BNC2: variants seen among roughly 807,000 people sequenced by gnomAD.
BNC2 encodes the protein zinc finger protein basonuclin-2.
BNC2 carries 20 observed loss-of-function variants against 76.3 expected under a neutral mutation model. That is an observed-to-expected ratio of 0.26 (90% CI 0.18 to 0.38). The LOEUF (loss-of-function observed/expected upper bound fraction) is 0.38. BNC2 is among the 10% of genes least tolerant of loss of function. The pLI is 1.00. For synonymous variants in BNC2, 582 were observed against 514.8 expected (o/e 1.13, Z -1.77); for missense variants, 1,382 against 1,399.8 (o/e 0.99, Z 0.20).
intron 5 of BNC2, among the ~76,000 whole-genome samples, chr9:16,516,429 T>C (rs1391345539): frequency 6.6e-6 from 1 of 152,074 alleles, no homozygotes; most frequent in East Asian, 1.9e-4. Flanking sequence ...GGATAACAGT[T>C]ATGCAGCTGT....
intron 3 of BNC2, among the ~76,000 whole-genome samples, chr9:16,591,602 T>C (rs78726924): frequency 0.02 from 3,059 of 152,298 alleles, 102 homozygotes; most frequent in South Asian, 0.16. Context: ...TTACATGCTA[T>C]GATTATCAGT....
chr9:16,621,583 G>T (rs574306467), intron 3 of BNC2, among the ~76,000 whole-genome samples: 1 of 152,116 alleles, frequency 6.6e-6, no homozygotes, highest in Non-Finnish European at 1.5e-5. Flanking sequence ...AAGACACCAG[G>T]TCTCCTAAAT....
At chr9:16,515,185 G>A (rs1822848758) in intron 5 of BNC2, among the ~76,000 whole-genome samples, 1 of 152,160 alleles carries the variant, frequency 6.6e-6, no homozygotes, top group South Asian at 2.1e-4. Context: ...AGAGCATGGA[G>A]ATCCGAGAGG....
chr9:16,421,298 A>G, intron 6 of BNC2: 1 of 1,297,972 alleles, frequency 7.7e-7, no homozygotes, highest in Non-Finnish European at 1.0e-6. Flanking sequence ...ATCTTTTGCT[A>G]AATCGATCAC....
chr9:16,653,413 T>C lies in BNC2; in HGVS notation c.331-70328A>G, dbSNP rs189568998. On this transcript the variant is annotated intron_variant, in intron 3 of 6. Transcript: ENST00000380672. ...GCCTTAAATACAAAATGCACACATA[T>C]ACACCATTGCCCAGACATCCTTCAG... 3.9e-5 allele frequency among the ~76,000 whole-genome samples: 6 copies of C among 152,234 alleles called. No homozygotes were observed. In the East Asian group the frequency reaches 1.2e-3, roughly 29 times the overall value.
intron 5 of BNC2, among the ~76,000 whole-genome samples, chr9:16,504,410 C>G (rs559298703): frequency 6.6e-6 from 1 of 150,558 alleles, no homozygotes; most frequent in South Asian, 2.1e-4. Context: ...ATATCTATTC[C>G]AAATGATACA....
chr9:16,549,309 T>C (rs901102512), intron 5 of BNC2, among the ~76,000 whole-genome samples: 4 of 152,218 alleles, frequency 2.6e-5, no homozygotes, highest in East Asian at 1.9e-4. Flanking sequence ...ACACAATCTG[T>C]AGCCAACTGC....
intron 3 of BNC2, among the ~76,000 whole-genome samples, chr9:16,632,189 A>G (rs1290605199): frequency 6.6e-6 from 1 of 151,830 alleles, no homozygotes; most frequent in African/African-American, 2.4e-5. Context: ...GGTAGGAACT[A>G]TTCCCTCCTT....
At chr9:16,521,081 G>C (rs1177237987) in intron 5 of BNC2, among the ~76,000 whole-genome samples, 1 of 152,126 alleles carries the variant, frequency 6.6e-6, no homozygotes, top group Non-Finnish European at 1.5e-5. Context: ...TCAGACAGGA[G>C]AATCACTTAA....
intron 3 of BNC2, among the ~76,000 whole-genome samples, chr9:16,698,132 A>G (rs566798317): frequency 1.4e-4 from 21 of 152,294 alleles, no homozygotes; most frequent in African/African-American, 4.3e-4. Flanking sequence ...AAAAACTTCA[A>G]TAATTGCTAC....
intron 1 of BNC2, among the ~76,000 whole-genome samples, chr9:16,785,558 C>CT (rs34271496): frequency 6.1e-4 from 75 of 122,514 alleles, no homozygotes; most frequent in South Asian, 5.6e-4. Flanking sequence ...CTACACCCGG[C>CT]TTTTTTTTTT....
chr9:16,775,780 C>A, intron 1 of BNC2: 1 of 173,696 alleles, frequency 5.8e-6, no homozygotes, highest in South Asian at 1.6e-4. Flanking sequence ...ATTAAGTGTC[C>A]TTCCATCTTG....
chr9:16,621,075 G>C (rs1050417471), intron 3 of BNC2, among the ~76,000 whole-genome samples: 4 of 152,212 alleles, frequency 2.6e-5, no homozygotes, highest in African/African-American at 9.6e-5. Context: ...GCAATGTCCA[G>C]GCCGTAAGTA....
At chr9:16,729,730 A>G (rs1157176457) in intron 2 of BNC2, among the ~76,000 whole-genome samples, 1 of 152,168 alleles carries the variant, frequency 6.6e-6, no homozygotes, top group East Asian at 1.9e-4. Context: ...TCAATTGTCA[A>G]CAGTGACTGT....
At chr9:16,722,514 A>C (rs1824187516) in intron 3 of BNC2, among the ~76,000 whole-genome samples, 1 of 152,232 alleles carries the variant, frequency 6.6e-6, no homozygotes, top group Admixed American at 6.5e-5. Context: ...TGCACCTTAG[A>C]GGGATTTATT....
Position 16,418,899 on chromosome 9 carries a change from ACCC to A in BNC2, c.*87_*89del, listed in dbSNP as rs1554629166. The A allele has an allele frequency of 7.1e-7, 1 of 1,401,502 alleles. No individual in the cohort carries two copies. The highest frequency in any genetic ancestry group is 1.0e-6 in the Non-Finnish European group (1 of 988,798). 86.8% of individuals were successfully genotyped at this position (1,401,502 alleles called of 1,614,324 possible). ...CACACACACACACACACACACACAC[ACCC>A]CAAGTACATAAGCGCACACTGACTA... On this transcript the variant is annotated 3_prime_UTR_variant, in exon 7 of 7. Coordinates refer to ENST00000380672, the MANE Select transcript of BNC2 (RefSeq NM_017637.6).
intron 3 of BNC2, among the ~76,000 whole-genome samples, chr9:16,721,142 G>A (rs1194923349): frequency 6.6e-6 from 1 of 152,152 alleles, no homozygotes; most frequent in Non-Finnish European, 1.5e-5. Flanking sequence ...TCATTTCTGG[G>A]ATGCCATCTG....
chr9:16,596,406 C>G (rs1820078704), intron 3 of BNC2, among the ~76,000 whole-genome samples: 1 of 145,678 alleles, frequency 6.9e-6, no homozygotes, highest in Non-Finnish European at 1.5e-5. Flanking sequence ...ATATTTTTCT[C>G]TCTCTCCCCT....
chr9:16,529,150 G>A (rs895776528), intron 5 of BNC2, among the ~76,000 whole-genome samples: 8 of 152,116 alleles, frequency 5.3e-5, no homozygotes, highest in African/African-American at 1.7e-4. Flanking sequence ...CACAGAGTCC[G>A]AGATTATCTC....
Sources: allele counts gnomAD v4.1 joint callset (sites outside exome capture counted in the v4.1 genomes callset), GRCh38; gene constraint gnomAD v4.1.1; transcripts MANE v1.5; gene names NCBI Gene and HGNC (gene_info 2026-07-23, HGNC 2026-07-21).